AGBL1: variants seen among roughly 807,000 people sequenced by gnomAD.
The protein encoded by AGBL1 is AGBL carboxypeptidase 1, also known as cytosolic carboxypeptidase 4.
AGBL1 carries 130 observed loss-of-function variants against 118.9 expected under a neutral mutation model. The observed-to-expected ratio is 1.09, with a 90% CI of 0.95 to 1.26. The LOEUF (loss-of-function observed/expected upper bound fraction) is 1.26. Among genes scored for constraint, AGBL1 ranks in the 50% most tolerant of loss-of-function variants. The pLI is 0.00. For missense variants in AGBL1, 1,584 were observed against 1,298.1 expected (o/e 1.22, Z -3.38); for synonymous variants, 555 against 478.9 (o/e 1.16, Z -2.08).
chr15:86,373,151 C>A (rs1465394164), intron 17 of AGBL1, among the ~76,000 whole-genome samples: 1 of 152,182 alleles, frequency 6.6e-6, no homozygotes, highest in Admixed American at 6.5e-5. Flanking sequence ...TTGACCCTCA[C>A]CTAATTAACT....
intron 21 of AGBL1, among the ~76,000 whole-genome samples, chr15:86,627,127 A>T (rs1007404062): frequency 6.6e-6 from 1 of 151,960 alleles, no homozygotes; most frequent in South Asian, 2.1e-4. Context: ...CAGCCTCCTG[A>T]GTAGCTGGGA....
At chr15:86,660,562 CA>C (rs2085522866) in intron 21 of AGBL1, among the ~76,000 whole-genome samples, 2 of 151,672 alleles carry the variant, frequency 1.3e-5, no homozygotes, top group African/African-American at 2.4e-5. Flanking sequence ...ATAGTCAACA[CA>C]TTTTTTTTTT....
intron 22 of AGBL1, among the ~76,000 whole-genome samples, chr15:86,893,622 G>C (rs940095953): frequency 2.6e-5 from 4 of 152,186 alleles, no homozygotes; most frequent in Admixed American, 2.6e-4. Flanking sequence ...GCAAGGGATA[G>C]AGTCTTCTTA....
chr15:86,099,549 T>C (rs1053721800), intron 1 of AGBL1, among the ~76,000 whole-genome samples: 3 of 151,870 alleles, frequency 2.0e-5, no homozygotes, highest in Admixed American at 2.0e-4. Flanking sequence ...TATTTTTTTT[T>C]TTTTTTTTGA....
intron 22 of AGBL1, among the ~76,000 whole-genome samples, chr15:86,679,707 A>G (rs552676632): frequency 1.3e-5 from 2 of 152,252 alleles, no homozygotes; most frequent in South Asian, 4.1e-4. Context: ...AATATTTGAT[A>G]TCTTCTCCAT....
At position 86,597,208 on chromosome 15, in the gene AGBL1, C is replaced by T. The variant is rs982900989; in HGVS notation, c.2994+42671C>T. On this transcript the variant is annotated intron_variant, in intron 21 of 22. Transcript: ENST00000614907. ...TCTAGCTAGCTAGCCAGCTATCCAT[C>T]TATTTACCTACTATTTTCTGTCTAT... 2.0e-5 allele frequency among the ~76,000 whole-genome samples: 3 copies of T among 152,268 alleles called. No homozygotes were observed. The East Asian group carries it at 5.8e-4, about 29-fold the overall frequency.
intron 23 of AGBL1, among the ~76,000 whole-genome samples, chr15:86,967,543 T>C (rs886228968): frequency 1.2e-4 from 18 of 152,192 alleles, no homozygotes; most frequent in Non-Finnish European, 2.5e-4. Context: ...TTTCTACATA[T>C]GGCTAGCCAG....
intron 1 of AGBL1, among the ~76,000 whole-genome samples, chr15:86,088,624 A>G (rs371208615): frequency 6.6e-6 from 1 of 152,252 alleles, no homozygotes; most frequent in East Asian, 1.9e-4. Context: ...AAAGAACACT[A>G]GTGTTCCCTG....
At chr15:86,869,335 C>G (rs1448044844) in intron 22 of AGBL1, among the ~76,000 whole-genome samples, 1 of 152,168 alleles carries the variant, frequency 6.6e-6, no homozygotes, top group Non-Finnish European at 1.5e-5. Context: ...TCCCACCCAC[C>G]ACAGAGAATC....
chr15:86,484,268 T>G (rs912249171), intron 18 of AGBL1, among the ~76,000 whole-genome samples: 1 of 151,942 alleles, frequency 6.6e-6, no homozygotes, highest in African/African-American at 2.4e-5. Context: ...ATAGAGGAGA[T>G]GAATGAAGCA....
intron 22 of AGBL1, among the ~76,000 whole-genome samples, chr15:86,732,834 A>C (rs774492639): frequency 6.6e-6 from 1 of 151,720 alleles, no homozygotes; most frequent in Non-Finnish European, 1.5e-5. Flanking sequence ...TAGAAGATAT[A>C]TTAGGGTTCT....
At chr15:86,848,161 C>G (rs915411876) in intron 22 of AGBL1, among the ~76,000 whole-genome samples, 4 of 152,098 alleles carry the variant, frequency 2.6e-5, no homozygotes, top group Non-Finnish European at 4.4e-5. Flanking sequence ...TGGGAGCTAC[C>G]CACAGCAAGA....
intron 17 of AGBL1, among the ~76,000 whole-genome samples, chr15:86,364,317 AT>A (rs1173733548): frequency 1.3e-5 from 2 of 152,200 alleles, no homozygotes; most frequent in Non-Finnish European, 2.9e-5. Context: ...GTGCTAAGTG[AT>A]TTTAATAACC....
At chr15:86,848,610 T>A (rs1176817065) in intron 22 of AGBL1, among the ~76,000 whole-genome samples, 1 of 152,212 alleles carries the variant, frequency 6.6e-6, no homozygotes. Context: ...TTGTAACTTA[T>A]CTCTGTAGAA....
intron 18 of AGBL1, among the ~76,000 whole-genome samples, chr15:86,489,208 C>T (rs1419567729): frequency 1.3e-5 from 2 of 152,092 alleles, no homozygotes; most frequent in Non-Finnish European, 2.9e-5. Flanking sequence ...TGGGACTAGA[C>T]CAAAATCTCC....
intron 22 of AGBL1, among the ~76,000 whole-genome samples, chr15:86,768,010 T>C (rs2078120815): frequency 6.6e-6 from 1 of 152,026 alleles, no homozygotes; most frequent in Admixed American, 6.6e-5. Flanking sequence ...AGGGCCTTCT[T>C]AGATTGCTTT....
chr15:86,554,449 C>A lies in AGBL1; in HGVS notation c.2906C>A (p.Ala969Asp), dbSNP rs1302649988. ...GTGGAGAAATCTCGAGCTTCCACGGCCCGGGTGGTGGTGTGGAGAGAGATG... is the reference window on the plus strand; with the variant it reads ...GTGGAGAAATCTCGAGCTTCCACGGACCGGGTGGTGGTGTGGAGAGAGATG... ...FLVEKSRAST[A>D]RVVVWREMGV... The change falls in exon 21 of 23, where the codon GCC becomes GAC. Residue 969 changes from alanine (A) to aspartate (D), a missense_variant. By Grantham distance (126) the Ala-to-Asp change is moderately radical. Coordinates refer to ENST00000614907, the MANE Select transcript of AGBL1 (RefSeq NM_001386094.1). 2 of 1,588,604 alleles carry A rather than the reference C, an allele frequency of 1.3e-6. No homozygotes were observed. The highest frequency in any genetic ancestry group is 1.3e-5 in the African/African-American group (1 of 74,488).
chr15:86,530,444 C>T (rs1031102687), intron 19 of AGBL1, among the ~76,000 whole-genome samples: 37 of 136,118 alleles, frequency 2.7e-4, no homozygotes, highest in Non-Finnish European at 5.2e-4. Flanking sequence ...TACAGGAGCA[C>T]CCAGATTCAT....
intron 23 of AGBL1, chr15:86,938,868 T>A (rs1043749698): frequency 6.6e-6 from 1 of 152,194 alleles, no homozygotes; most frequent in African/African-American, 2.4e-5. Context: ...ACTGGAGAAC[T>A]GCACTAAAAC....
Sources: allele counts gnomAD v4.1 joint callset (sites outside exome capture counted in the v4.1 genomes callset), GRCh38; gene constraint gnomAD v4.1.1; transcripts MANE v1.5; gene names NCBI Gene and HGNC (gene_info 2026-07-23, HGNC 2026-07-21).